DUSP15: variants seen among roughly 807,000 people sequenced by gnomAD.
DUSP15 encodes the protein dual specificity phosphatase 15.
In DUSP15, 23 loss-of-function variants were observed where a neutral mutation model predicts 26.3. The ratio of observed to expected loss-of-function variants is 0.87; its 90% CI spans 0.63 to 1.24. DUSP15 has a LOEUF of 1.24. DUSP15 is among the 50% of genes most tolerant of loss of function. The pLI, the probability that DUSP15 is intolerant of heterozygous loss-of-function variation, is 0.00. For synonymous variants in DUSP15, 143 were observed against 135.5 expected, an observed-to-expected ratio of 1.06 and a Z score of -0.39; for missense variants, 364 against 320.6, an observed-to-expected ratio of 1.14 and a Z score of -1.03.
At chr20:31,863,079 G>C (rs1001403150) in intron 5 of DUSP15, among the ~76,000 whole-genome samples, 30 of 113,944 alleles carry the variant, frequency 2.6e-4, no homozygotes, top group African/African-American at 1.1e-3. Context: ...TATGGCTGGG[G>C]GGGGGGGACA....
intron 8 of DUSP15, chr20:31,849,615 G>A: frequency 4.7e-6 from 7 of 1,485,448 alleles, no homozygotes; most frequent in Non-Finnish European, 6.4e-6. Context: ...GCCAGTACAG[G>A]CCCTGGCACA....
rs551683451 is a variant in DUSP15, at chr20:31,849,433, C to A, written c.628+305G>T. On this transcript the variant is annotated intron_variant, in intron 8 of 9. Transcript: ENST00000278979. Reference sequence around the variant, plus strand: ...GCACCCTTAGGCCCATCCCCCTGGGCCTGCATTTAATGTGCCCACTCTCCT... The same window carrying A: ...GCACCCTTAGGCCCATCCCCCTGGGACTGCATTTAATGTGCCCACTCTCCT... The A allele has an allele frequency of 1.0e-3, 562 of 549,984 alleles. 10 individuals are homozygous for A. In the Middle Eastern group the frequency reaches 0.037, roughly 37 times the overall value. 34.1% of individuals were successfully genotyped at this position (549,984 alleles called of 1,614,324 possible).
In DUSP15 at chr20:31,861,531, C is replaced by T; in HGVS notation, c.580G>A (p.Glu194Lys). The T allele has an allele frequency of 6.6e-7, 1 of 1,516,116 alleles. No individual in the cohort carries two copies. Among genetic ancestry groups the T allele is most frequent in the Non-Finnish European group, 8.8e-7 (1 of 1,140,176 alleles). 93.9% of individuals were successfully genotyped at this position (1,516,116 alleles called of 1,614,324 possible). The change falls in exon 7 of 7, where the codon GAG becomes AAG. Residue 194 changes from glutamate to lysine, a missense_variant. Transcript: ENST00000339738. ...SSAGPHSAASEGTVQRLVPRT... is the reference protein window; with the variant it reads ...SSAGPHSAASKGTVQRLVPRT... ...GGCACCAGGCGCTGCACGGTTCCCTCGGAGGCTGCTGAGTGCGGCCCGGCG... is the reference window on the plus strand; with the variant it reads ...GGCACCAGGCGCTGCACGGTTCCCTTGGAGGCTGCTGAGTGCGGCCCGGCG...
exon 7 of DUSP15, chr20:31,850,648 G>C (rs2062454229): frequency 6.2e-7 from 1 of 1,611,828 alleles, no homozygotes; most frequent in South Asian, 1.1e-5. Flanking sequence ...TTGGGCACCA[G>C]AGGTTTTTGA....
At chr20:31,864,910 G>A in intron 4 of DUSP15, 43 bp downstream of exon 4, 1 of 1,596,396 alleles carries the variant, frequency 6.3e-7, no homozygotes. Context: ...CACCACAGAA[G>A]GCAGCTGTCT....
intron 7 of DUSP15, chr20:31,850,511 G>C: frequency 8.1e-7 from 1 of 1,237,506 alleles, no homozygotes; most frequent in Non-Finnish European, 1.2e-6. Context: ...GGGAGCCTGG[G>C]CTGGGTGCTT....
At chr20:31,848,532 A>G (rs1047839898) in exon 10 of DUSP15, 4 of 1,595,382 alleles carry the variant, frequency 2.5e-6, no homozygotes, top group Admixed American at 1.8e-5. Flanking sequence ...CTTAGAGTGC[A>G]GGACGAGCTC....
chr20:31,861,685 G>C lies in DUSP15; in HGVS notation c.436-10C>G, dbSNP rs1405246706. On this transcript the variant is annotated splice_polypyrimidine_tract_variant and intron_variant, in intron 6 of 6. Transcript: ENST00000339738. ...CCAGCTGCCGGCGAAGCTGGGGTGG[G>C]CGGGTGAGGTGGGCGGGGTCAAGGC... 1 of 1,450,240 alleles carries C rather than the reference G, an allele frequency of 6.9e-7. No individual in the cohort carries two copies. Among genetic ancestry groups the C allele is most frequent in the East Asian group, 3.0e-5 (1 of 33,496 alleles). The allele number at this position is 1,450,240 out of a possible 1,614,324, so 89.8% of individuals were successfully genotyped here.
At chr20:31,848,817 TGAG>T (rs772023757) in exon 9 of DUSP15, 1 of 1,609,930 alleles carries the variant, frequency 6.2e-7, no homozygotes, top group African/African-American at 1.3e-5. Context: ...TCCGCCATGA[TGAG>T]CTGCTCCTTG....
At chr20:31,860,506 C>A (rs1300352168), downstream of DUSP15, among the ~76,000 whole-genome samples, 1 of 152,226 alleles carries the variant, frequency 6.6e-6, no homozygotes, top group Non-Finnish European at 1.5e-5. Flanking sequence ...GCCTCCTTGT[C>A]AGGAACCTCC....
exon 10 of DUSP15, chr20:31,848,426 G>T: frequency 6.2e-7 from 1 of 1,611,848 alleles, no homozygotes; most frequent in Non-Finnish European, 8.5e-7. Context: ...AGAAGAGGAA[G>T]CGGCTCGCTT....
In DUSP15 at chr20:31,849,642, G is replaced by A; in HGVS notation, c.628+96C>T. On this transcript the variant is annotated intron_variant, in intron 8 of 9. Coordinates refer to the DUSP15 transcript ENST00000278979. The stretch of plus-strand genomic sequence containing the variant: ...CCTGGCACAGGCGCTTGGTGAACAC[G>A]CCCTCCGGAGCCACCCAGAGCTGCA... 2.6e-6 allele frequency: 4 copies of A among 1,513,098 alleles called. No homozygotes were observed. In the South Asian group the frequency reaches 3.7e-5, roughly 14 times the overall value. The allele number at this position is 1,513,098 out of a possible 1,614,324, so 93.7% of individuals were successfully genotyped here. A position where few individuals can be genotyped will look rare whatever the true frequency, so the allele number is the denominator to read the frequency against.
chr20:31,857,133 G>A (rs1360054909), downstream of DUSP15, among the ~76,000 whole-genome samples: 1 of 152,062 alleles, frequency 6.6e-6, no homozygotes, highest in African/African-American at 2.4e-5. Flanking sequence ...TTCCCACTGT[G>A]GAAGGAGGGG....
intron 6 of DUSP15, among the ~76,000 whole-genome samples, chr20:31,853,837 CA>C (rs1488083297): frequency 6.6e-6 from 1 of 152,108 alleles, no homozygotes; most frequent in African/African-American, 2.4e-5. Flanking sequence ...CTCTTGGGCT[CA>C]AGTGATCCTC....
chr20:31,869,670 C>T, intron 1 of DUSP15, 73 bp from the exon 2 acceptor site: 1 of 1,576,834 alleles, frequency 6.3e-7, no homozygotes, highest in South Asian at 1.2e-5. Context: ...AGCTGGGGGG[C>T]CCACAGCCCC....
intron 6 of DUSP15, among the ~76,000 whole-genome samples, chr20:31,851,765 C>T (rs1022265119): frequency 6.6e-6 from 1 of 152,226 alleles, no homozygotes; most frequent in South Asian, 2.1e-4. Flanking sequence ...CTCAGCAGGT[C>T]TGACCTGCAG....
chr20:31,867,631 G>GTTTTTTTTTTTTTTTTTTT (rs57662463), intron 2 of DUSP15, among the ~76,000 whole-genome samples: 1 of 77,652 alleles, frequency 1.3e-5, no homozygotes, highest in African/African-American at 5.5e-5. Context: ...TGCCCACAAT[G>GTTTTTTTTTTTTTTTTTTT]TTTTTTTTTT....
At chr20:31,854,996 G>A (rs907832673) in intron 6 of DUSP15, among the ~76,000 whole-genome samples, 19 of 152,086 alleles carry the variant, frequency 1.2e-4, no homozygotes, top group African/African-American at 4.3e-4. Context: ...CACTGAACTC[G>A]CAACCAACAG....
At chr20:31,864,101 C>T in intron 4 of DUSP15, 120 bp from the exon 5 acceptor site, 2 of 1,522,664 alleles carry the variant, frequency 1.3e-6, no homozygotes, top group Non-Finnish European at 1.8e-6. Flanking sequence ...CCAGGTCAGC[C>T]AGCACATGCA....
Sources: gnomAD v4.1 joint callset for allele counts (sites outside exome capture counted in the v4.1 genomes callset) on GRCh38, gnomAD v4.1.1 for gene constraint, MANE v1.5 for transcripts, NCBI Gene and HGNC (gene_info 2026-07-23, HGNC 2026-07-21) for gene names.